The following ABI2 variants were observed in gnomAD, a reference collection of about 807,000 sequenced individuals.
ABI2 encodes the protein abl interactor 2, also known as abelson interactor 2.
A neutral mutation model predicts 59.2 loss-of-function variants in ABI2; 25 were observed. The ratio of observed to expected loss-of-function variants is 0.42; its 90% CI spans 0.31 to 0.59. ABI2 has a LOEUF of 0.59. ABI2 is among the 20% of genes least tolerant of loss of function. ABI2 has a pLI of 0.14. For missense variants in ABI2, 545 were observed against 681.8 expected (o/e 0.80, Z 2.23); for synonymous variants, 213 against 235.5 (o/e 0.90, Z 0.87).
chr2:203,384,950 T>G (rs1293096207), intron 4 of ABI2, among the ~76,000 whole-genome samples: 1 of 150,316 alleles, frequency 6.7e-6, no homozygotes, highest in Admixed American at 6.6e-5. Flanking sequence ...TTCTCCAGCC[T>G]CAGCCTCCCT....
At chr2:203,335,472 G>A (rs1248277641) in intron 1 of ABI2, among the ~76,000 whole-genome samples, 2 of 151,950 alleles carry the variant, frequency 1.3e-5, no homozygotes, top group African/African-American at 2.4e-5. Flanking sequence ...ATGTTGCTCC[G>A]GCTGGTCTTG....
chr2:203,360,592 T>C (rs1338412333), intron 1 of ABI2, among the ~76,000 whole-genome samples: 2 of 152,186 alleles, frequency 1.3e-5, no homozygotes, highest in South Asian at 2.1e-4. Context: ...AGAAGCAGTT[T>C]AGCAAAATGG....
In ABI2 at chr2:203,386,542, T is replaced by G. The variant is rs144722786; in HGVS notation, c.480+4336T>G. 4.1e-5 allele frequency: 29 copies of G among 710,692 alleles called. 1 individual carries two copies. The East Asian group carries it at 2.3e-3, about 56-fold the overall frequency. 44.0% of individuals were successfully genotyped at this position (710,692 alleles called of 1,614,324 possible). On this transcript the variant is annotated intron_variant, in intron 4 of 11. Coordinates refer to ENST00000261018, the MANE Select transcript of ABI2 (RefSeq NM_001375670.1). ...AGTTTAAGAAATTATTAGGGAAGTT[T>G]CATAGAGAAAAACCAGCTCAGGTTT...
rs761783921 is a variant in ABI2 at position 203,394,776 on chromosome 2, C to G, written c.655C>G (p.Arg219Gly). ...AAATGATTACGTACCTAGCCCAACC[C>G]GTAATATGGCTCCCTCGCAGCAGAG... ...VPNDYVPSPT[R>G]NMAPSQQSPV... is the part of the protein sequence containing the mutation. The change falls in exon 6 of 12, where the codon CGT becomes GGT. Residue 219 changes from arginine (R) to glycine (G), a missense_variant. Physicochemically the swap from Arg to Gly is moderately radical, Grantham distance 125. Around this residue, in one of 4 missense-constraint regions of ABI2, gnomAD observed 410 missense variants for 435.6 expected, o/e 0.94. Transcript: ENST00000261018. 6.2e-7 allele frequency: 1 copy of G among 1,614,112 alleles called. No homozygotes were observed. The highest frequency in any genetic ancestry group is 1.7e-4 in the Middle Eastern group (1 of 6,058).
In ABI2 at chr2:203,395,694, G is replaced by C. The variant is rs771624986; in HGVS notation, c.764G>C (p.Arg255Pro). The change falls in exon 7 of 12, where the codon CGG becomes CCG. Residue 255 changes from arginine to proline, a missense_variant. By Grantham distance (103) the Arg-to-Pro change is moderately radical. Transcript: ENST00000261018. ...GSSGGSHPSS[R>P]SSSRENSGSG... ...AGTGGAGGGAGCCACCCAAGTAGTC[G>C]GAGCAGCAGTCGAGAGAACAGTGGA... 1 of 1,611,882 alleles carries C rather than the reference G, an allele frequency of 6.2e-7. No individual in the cohort carries two copies. Among genetic ancestry groups the C allele is most frequent in the South Asian group, 1.1e-5 (1 of 90,722 alleles).
intron 1 of ABI2, among the ~76,000 whole-genome samples, chr2:203,356,814 T>C (rs1454512949): frequency 1.3e-5 from 2 of 150,508 alleles, no homozygotes; most frequent in African/African-American, 4.9e-5. Flanking sequence ...TATTTTAAAA[T>C]GCAGTTATTT....
intron 10 of ABI2, among the ~76,000 whole-genome samples, chr2:203,412,659 T>C (rs1199323799): frequency 6.6e-6 from 1 of 152,230 alleles, no homozygotes; most frequent in Non-Finnish European, 1.5e-5. Flanking sequence ...GGGCCGACTC[T>C]TCTTTAGCTT....
chr2:203,395,954 C>T (rs1019540511), intron 7 of ABI2, among the ~76,000 whole-genome samples, 174 bp downstream of exon 7: 2 of 152,102 alleles, frequency 1.3e-5, no homozygotes, highest in Non-Finnish European at 2.9e-5. Context: ...AGTGTTTGCT[C>T]ACTTTGCACT....
rs1241087638 is a variant in ABI2 at position 203,431,784 on chromosome 2, A to G, written c.*4432A>G. 6.6e-6 allele frequency: 1 copy of G among 152,184 alleles called. No homozygotes were observed. Among genetic ancestry groups the G allele is most frequent in the East Asian group, 1.9e-4 (1 of 5,202 alleles). The allele number at this position is 152,184 out of a possible 1,614,324, so 9.4% of individuals were successfully genotyped here. ...AATATCTTAAGGTTTTTTGTAAGAAAAAAGAAAAACCAACAAAAAAAGCTT... is the reference window on the plus strand; with the variant it reads ...AATATCTTAAGGTTTTTTGTAAGAAGAAAGAAAAACCAACAAAAAAAGCTT... On this transcript the variant is annotated 3_prime_UTR_variant, in exon 12 of 12. Transcript: ENST00000261018.
chr2:203,394,911 A>G, intron 6 of ABI2, 65 bp downstream of exon 6: 1 of 1,551,262 alleles, frequency 6.4e-7, no homozygotes, highest in Admixed American at 1.7e-5. Context: ...AGATTACTTC[A>G]GGTAAATCTC....
chr2:203,328,686 C>G, intron 1 of ABI2, 55 bp downstream of exon 1: 2 of 1,288,700 alleles, frequency 1.6e-6, no homozygotes, highest in Non-Finnish European at 2.1e-6. Flanking sequence ...GGGGGCCGCG[C>G]GCCTCGGGGC....
At chr2:203,402,965 A>T (rs2097282486) in intron 9 of ABI2, among the ~76,000 whole-genome samples, 1 of 152,146 alleles carries the variant, frequency 6.6e-6, no homozygotes, top group Non-Finnish European at 1.5e-5. Context: ...TCTGAGCAGA[A>T]TTTTTTTGAA....
chr2:203,421,836 C>T (rs570473437), intron 11 of ABI2, among the ~76,000 whole-genome samples: 17 of 151,966 alleles, frequency 1.1e-4, no homozygotes, highest in African/African-American at 3.9e-4. Context: ...TGGTGGTGCA[C>T]GCCTGTAGTC....
intron 1 of ABI2, among the ~76,000 whole-genome samples, chr2:203,345,734 C>T (rs1409841921): frequency 6.6e-6 from 1 of 150,882 alleles, no homozygotes; most frequent in African/African-American, 2.4e-5. Context: ...TTAGTAGAGA[C>T]GGGGTTTCAC....
chr2:203,416,994 G>C lies in ABI2; in HGVS notation c.1366G>C (p.Glu456Gln). 2 of 1,614,118 alleles carry C rather than the reference G, an allele frequency of 1.2e-6. No individual in the cohort carries two copies. Among genetic ancestry groups the C allele is most frequent in the East Asian group, 2.2e-5 (1 of 44,870 alleles). The change falls in exon 11 of 12, where the codon GAA becomes CAA. Residue 456 changes from glutamate to glutamine, a missense_variant. By Grantham distance (29) the Glu-to-Gln change is conservative. Coordinates refer to ENST00000261018, the MANE Select transcript of ABI2 (RefSeq NM_001375670.1). ...ACCTCCTCCTCCTCCAGAAGATTAC[G>C]AAGAGGAGGAAGCTGCTGTGGTTGA... is the stretch of plus-strand genomic sequence containing the variant. ...PPPPPPPEDY[E>Q]EEEAAVVEYS...
intron 1 of ABI2, among the ~76,000 whole-genome samples, chr2:203,365,416 A>T (rs540165937): frequency 2.6e-5 from 4 of 152,312 alleles, no homozygotes; most frequent in Admixed American, 2.0e-4. Flanking sequence ...GTTCATGAAC[A>T]TGAATATTCT....
intron 11 of ABI2, among the ~76,000 whole-genome samples, chr2:203,423,687 C>G (rs531390738): frequency 6.6e-6 from 1 of 152,288 alleles, no homozygotes; most frequent in East Asian, 1.9e-4. Flanking sequence ...TTCCAAAGTG[C>G]TGGGATTACA....
intron 8 of ABI2, among the ~76,000 whole-genome samples, chr2:203,400,873 A>G (rs918139353): frequency 1.3e-5 from 2 of 152,210 alleles, no homozygotes; most frequent in Non-Finnish European, 2.9e-5. Context: ...TAGAATAAAG[A>G]TGGTAAGACT....
At chr2:203,409,235 C>T (rs191890691) in intron 9 of ABI2, among the ~76,000 whole-genome samples, 2 of 152,138 alleles carry the variant, frequency 1.3e-5, no homozygotes, top group South Asian at 4.1e-4. Context: ...GAAGCAGACA[C>T]GCAAGTCAAG....
Sources: allele counts gnomAD v4.1 joint callset (sites outside exome capture counted in the v4.1 genomes callset), GRCh38; gene constraint gnomAD v4.1.1; regional missense constraint gnomAD v4.1.1; transcripts MANE v1.5; gene names NCBI Gene and HGNC (gene_info 2026-07-23, HGNC 2026-07-21).